Variants in MICU3 observed in about 807,000 individuals in gnomAD.
The protein encoded by MICU3 is calcium uptake protein 3, mitochondrial.
MICU3 carries 62 observed loss-of-function variants against 66.5 expected under a neutral mutation model. The observed-to-expected ratio is 0.93, with a 90% CI of 0.76 to 1.15. The LOEUF (loss-of-function observed/expected upper bound fraction) is 1.15. Ranked by LOEUF, MICU3 falls within the 50% of genes most tolerant of loss-of-function variation. The pLI, the probability that MICU3 is intolerant of heterozygous loss-of-function variation, is 0.00. For missense variants in MICU3, 779 were observed against 664.4 expected (o/e 1.17, Z -1.90); for synonymous variants, 308 against 240.7 (o/e 1.28, Z -2.59).
chr8:17,069,416 T>G (rs781072337), intron 2 of MICU3, among the ~76,000 whole-genome samples: 9 of 152,144 alleles, frequency 5.9e-5, no homozygotes, highest in Non-Finnish European at 1.2e-4. Context: ...CTTACTTTAT[T>G]AGTCCAGAAA....
chr8:17,104,973 C>T (rs1163236903), intron 10 of MICU3, among the ~76,000 whole-genome samples: 1 of 118,118 alleles, frequency 8.5e-6, no homozygotes, highest in Non-Finnish European at 1.7e-5. Flanking sequence ...CCAGCCTGGG[C>T]GACAGAGCGA....
chr8:17,137,962 G>A, the MICU3 span, among the ~76,000 whole-genome samples: 2 of 151,882 alleles, frequency 1.3e-5, no homozygotes, highest in African/African-American at 2.4e-5. Flanking sequence ...TGATCCGCCT[G>A]CCTCAGCCTT....
At position 17,090,571 on chromosome 8, in the gene MICU3, C is replaced by G. The variant is rs886125078; in HGVS notation, c.875C>G (p.Ser292Cys). 7.5e-6 allele frequency: 12 copies of G among 1,610,398 alleles called. No homozygotes were observed. The highest frequency in any genetic ancestry group is 1.0e-5 in the Non-Finnish European group (12 of 1,177,618). ...CGTCTTCAACTTTATGGATACCATT[C>G]TCCTACTAATAGTGTATGTACAATA... ...MLRLQLYGYH[S>C]PTNSVLKTDA... Residue 292 changes from serine (S) to cysteine (C), a missense_variant, in exon 8 of 15, where the codon TCT (serine) becomes TGT (cysteine). By Grantham distance (112) the Ser-to-Cys change is moderately radical (BLOSUM62 -1). Coordinates refer to ENST00000318063, the MANE Select transcript of MICU3 (RefSeq NM_181723.3).
chr8:17,066,083 T>TA (rs1486651554), intron 2 of MICU3, among the ~76,000 whole-genome samples: 2 of 151,050 alleles, frequency 1.3e-5, no homozygotes, highest in African/African-American at 2.4e-5. Flanking sequence ...TTTTTTTTTT[T>TA]ATTTACGAAT....
chr8:17,069,822 A>G (rs1819279440), intron 3 of MICU3, 103 bp downstream of exon 3: 2 of 371,880 alleles, frequency 5.4e-6, no homozygotes, highest in Non-Finnish European at 8.6e-6. Flanking sequence ...GTATTTTTAT[A>G]TATTTTATGA....
At chr8:17,049,259 C>G (rs911365379) in intron 1 of MICU3, among the ~76,000 whole-genome samples, 15 of 152,082 alleles carry the variant, frequency 9.9e-5, no homozygotes, top group African/African-American at 3.4e-4. Flanking sequence ...GCAGTGAAAC[C>G]CACAAGAAAA....
At chr8:17,095,157 T>C (rs1174684083) in intron 8 of MICU3, among the ~76,000 whole-genome samples, 1 of 152,024 alleles carries the variant, frequency 6.6e-6, no homozygotes, top group Non-Finnish European at 1.5e-5. Context: ...TATCTAAGCA[T>C]TTCATTATTG....
At chr8:17,112,120 C>T (rs1802253554) in intron 11 of MICU3, among the ~76,000 whole-genome samples, 1 of 152,110 alleles carries the variant, frequency 6.6e-6, no homozygotes, top group Non-Finnish European at 1.5e-5. Flanking sequence ...GATTATAGGT[C>T]CCTCCCTCCC....
At chr8:17,099,934 G>A (rs1585498648) in intron 9 of MICU3, among the ~76,000 whole-genome samples, 1 of 151,862 alleles carries the variant, frequency 6.6e-6, no homozygotes, top group East Asian at 1.9e-4. Flanking sequence ...ATCAGATGTT[G>A]AATTTAATTT....
chr8:17,124,243 G>T (rs904766330), downstream of MICU3, among the ~76,000 whole-genome samples: 3 of 151,998 alleles, frequency 2.0e-5, no homozygotes, highest in African/African-American at 7.2e-5. Context: ...GTCATCTTCA[G>T]TTATTATATT....
intron 11 of MICU3, among the ~76,000 whole-genome samples, chr8:17,110,749 G>A (rs530525939): frequency 1.2e-3 from 189 of 151,252 alleles, no homozygotes; most frequent in Non-Finnish European, 2.4e-3. Context: ...GGAGGGGGGG[G>A]TAGAGACAGG....
intron 4 of MICU3, 126 bp downstream of exon 4, chr8:17,077,987 G>T: frequency 2.1e-6 from 1 of 483,322 alleles, no homozygotes; most frequent in South Asian, 5.2e-5. Flanking sequence ...AGAAAAAACT[G>T]AAGAAGAAAA....
rs545064778 is a variant in MICU3 at position 17,048,565 on chromosome 8, A to T, written c.382-15519A>T. ...GACACATGGGAATTATGGGAGCTAC[A>T]ATTCAAGATGAGATTTTGAATTGAA... On this transcript the variant is annotated intron_variant, in intron 1 of 14. Transcript: ENST00000318063. Among the ~76,000 whole-genome samples, 10 of 152,316 alleles carry T rather than the reference A, an allele frequency of 6.6e-5. No homozygotes were observed. The South Asian group carries it at 2.1e-3, about 32-fold the overall frequency.
intron 2 of MICU3, among the ~76,000 whole-genome samples, chr8:17,066,931 G>A (rs530016606): frequency 2.6e-5 from 4 of 151,958 alleles, no homozygotes; most frequent in African/African-American, 4.8e-5. Flanking sequence ...CACACTGTTC[G>A]ATTTTGCTTT....
intron 1 of MICU3, among the ~76,000 whole-genome samples, chr8:17,039,347 C>G (rs1813628119): frequency 6.6e-6 from 1 of 152,084 alleles, no homozygotes; most frequent in Non-Finnish European, 1.5e-5. Context: ...AGAAAAGTCC[C>G]AGTTTTTTAT....
Position 17,044,013 on chromosome 8 carries a change from G to C in MICU3, c.381+16353G>C, listed in dbSNP as rs151204033. On this transcript the variant is annotated intron_variant, in intron 1 of 14. Coordinates refer to ENST00000318063, the MANE Select transcript of MICU3 (RefSeq NM_181723.3). Reference sequence around the variant, plus strand: ...GAAGTTATTCTGAATTATAGCAGTCGTTTATAAATATTCTAAAACCTTAGG... The same window carrying C: ...GAAGTTATTCTGAATTATAGCAGTCCTTTATAAATATTCTAAAACCTTAGG... Among the ~76,000 whole-genome samples the C allele has an allele frequency of 9.2e-5, 14 of 152,266 alleles. 1 individual carries two copies. Among genetic ancestry groups the C allele is most frequent in the African/African-American group, 2.9e-4 (12 of 41,554 alleles).
downstream of MICU3, among the ~76,000 whole-genome samples, chr8:17,126,782 G>A (rs115795408): frequency 6.6e-6 from 1 of 152,292 alleles, no homozygotes; most frequent in African/African-American, 2.4e-5. Context: ...AAGTATTACG[G>A]TGATTGTAAA....
chr8:17,092,986 TAGAG>T (rs1800237462), intron 8 of MICU3, among the ~76,000 whole-genome samples: 1 of 152,066 alleles, frequency 6.6e-6, no homozygotes, highest in South Asian at 2.1e-4. Context: ...ACTATGGAGA[TAGAG>T]ACTCTGTGGT....
downstream of MICU3, among the ~76,000 whole-genome samples, chr8:17,126,267 G>A (rs1803404054): frequency 6.6e-6 from 1 of 152,006 alleles, no homozygotes; most frequent in Non-Finnish European, 1.5e-5. Context: ...CTTTCAAGGT[G>A]TCTCCGTATT....
Sources: gnomAD v4.1 joint callset for allele counts (sites outside exome capture counted in the v4.1 genomes callset) on GRCh38, gnomAD v4.1.1 for gene constraint, MANE v1.5 for transcripts, NCBI Gene and HGNC (gene_info 2026-07-23, HGNC 2026-07-21) for gene names.